COMMD5: variants seen among roughly 807,000 people sequenced by gnomAD.
COMMD5 encodes COMM domain-containing protein 5.
In COMMD5, 10 loss-of-function variants were observed where a neutral mutation model predicts 6.9. That is an observed-to-expected ratio of 1.44 (90% CI 0.89 to 2.45). COMMD5 has a LOEUF of 2.45. Among genes scored for constraint, COMMD5 ranks in the 30% most tolerant of loss-of-function variants. The pLI is 0.00. For synonymous variants in COMMD5, 127 were observed against 125.3 expected, an observed-to-expected ratio of 1.01 and a Z score of -0.09; for missense variants, 234 against 287.8, an observed-to-expected ratio of 0.81 and a Z score of 1.35.
rs1425674521 is a variant in COMMD5, at chr8:144,851,365, A to C, written c.-27T>G. The C allele has an allele frequency of 1.9e-6, 3 of 1,583,898 alleles. No homozygotes were observed. The highest frequency in any genetic ancestry group is 2.6e-6 in the Non-Finnish European group (3 of 1,162,088). On this transcript the variant is annotated 5_prime_UTR_variant, in exon 2 of 2. Transcript: ENST00000305103. ...GCTGCTGCTTCCTCTTTGATCAGCC[A>C]GCCCAGGAGGTCGGTCCCAGATGCA...
intron 1 of COMMD5, 141 bp from the exon 2 acceptor site, chr8:144,851,536 A>C (rs1053231122): frequency 1.6e-6 from 1 of 645,092 alleles, no homozygotes; most frequent in African/African-American, 1.8e-5. Context: ...TGGCCCTGGA[A>C]GCAGGTGGCA....
In COMMD5 at chr8:144,841,952, A is replaced by C. The variant is rs770747798; in HGVS notation, c.*117-209T>G. The C allele has an allele frequency of 5.0e-6, 8 of 1,614,230 alleles. No homozygotes were observed. In the South Asian group the frequency reaches 8.8e-5, roughly 18 times the overall value. On this transcript the variant is annotated intron_variant and NMD_transcript_variant, in intron 1 of 1. Coordinates refer to the COMMD5 transcript ENST00000530332. ...GGAGAGAAACCCTTTAAATGCACTG[A>C]GTGTGGAAAAGCCTTCCGCCTGAGC...
chr8:144,846,511 C>T (rs1437515042), downstream of COMMD5: 1 of 228,398 alleles, frequency 4.4e-6, no homozygotes, highest in Non-Finnish European at 8.7e-6. Context: ...AGCCAAGTCA[C>T]CTTGAACTTG....
downstream of COMMD5, among the ~76,000 whole-genome samples, chr8:144,847,676 G>C (rs1830579396): frequency 6.6e-6 from 1 of 152,234 alleles, no homozygotes; most frequent in Admixed American, 6.5e-5. Flanking sequence ...GCTTGACTCA[G>C]AGCCCCAGAA....
chr8:144,846,751 T>A (rs1165671261), downstream of COMMD5: 1 of 152,708 alleles, frequency 6.5e-6, no homozygotes, highest in Non-Finnish European at 1.5e-5. Context: ...CAGGCTGAAG[T>A]GCAGTGGTGC....
intron 1 of COMMD5, among the ~76,000 whole-genome samples, chr8:144,844,506 G>C (rs2953889): frequency 0.4 from 59,899 of 151,436 alleles, 12,271 homozygotes; most frequent in African/African-American, 0.51. Flanking sequence ...GTCAGGAGAT[G>C]AAGACCATCC....
chr8:144,841,932 G>C (rs1563842032), intron 1 of COMMD5: 2 of 1,614,202 alleles, frequency 1.2e-6, no homozygotes, highest in Non-Finnish European at 1.7e-6. Flanking sequence ...ACACGGGAGA[G>C]AAACCCTTTA....
In COMMD5 at chr8:144,850,293, A is replaced by T; in HGVS notation, c.*371T>A. 1 of 188,942 alleles carries T rather than the reference A, an allele frequency of 5.3e-6. No individual in the cohort carries two copies. Among genetic ancestry groups the T allele is most frequent in the Non-Finnish European group, 1.1e-5 (1 of 90,828 alleles). 11.7% of individuals were successfully genotyped at this position (188,942 alleles called of 1,614,324 possible). A position where few individuals can be genotyped will look rare whatever the true frequency, so the allele number is the denominator to read the frequency against. ...GAAGAGTGAAAATGCCCAACCTAAA[A>T]CACAAGATCTACAAAAGCACCTGGC... On this transcript the variant is annotated 3_prime_UTR_variant, in exon 2 of 2. Transcript: ENST00000305103. The surrounding 1 kb of genome is among the most constrained non-coding windows in gnomAD (Gnocchi z 4.0).
At chr8:144,844,601 T>C (rs1471248409) in intron 1 of COMMD5, among the ~76,000 whole-genome samples, 8 of 150,866 alleles carry the variant, frequency 5.3e-5, no homozygotes, top group African/African-American at 2.0e-4. Flanking sequence ...TCTCAGCTAC[T>C]TGGGAGGCTA....
chr8:144,847,353 G>C (rs1289816021), downstream of COMMD5: 1 of 152,202 alleles, frequency 6.6e-6, no homozygotes, highest in Admixed American at 6.5e-5. Flanking sequence ...GCCAAGGAAG[G>C]ATCACGTGAC....
intron 1 of COMMD5, among the ~76,000 whole-genome samples, chr8:144,844,698 T>G (rs1481108187): frequency 8.0e-6 from 1 of 124,790 alleles, no homozygotes. Flanking sequence ...GACAAGAGTG[T>G]GACTCTGTAT....
intron 1 of COMMD5, among the ~76,000 whole-genome samples, chr8:144,844,829 T>C (rs1317592364): frequency 6.7e-6 from 1 of 148,416 alleles, no homozygotes; most frequent in Non-Finnish European, 1.5e-5. Flanking sequence ...AAGAAGATAC[T>C]GGGAAGAAAA....
intron 1 of COMMD5, chr8:144,843,173 C>T (rs1279308939): frequency 6.4e-7 from 1 of 1,564,074 alleles, no homozygotes; most frequent in South Asian, 1.2e-5. Context: ...GGATAGACCA[C>T]TTACATATAA....
downstream of COMMD5, chr8:144,846,535 T>G: frequency 4.8e-6 from 1 of 207,414 alleles, no homozygotes; most frequent in Non-Finnish European, 9.9e-6. Context: ...AATGACTTCA[T>G]GCCCTCCAGC....
intron 1 of COMMD5, among the ~76,000 whole-genome samples, chr8:144,844,578 C>T (rs552104609): frequency 4.2e-4 from 64 of 151,874 alleles, no homozygotes; most frequent in African/African-American, 1.4e-3. Context: ...GGCGTGGTGG[C>T]GGGCACCTGT....
At chr8:144,848,012 T>C (rs986629825), downstream of COMMD5, among the ~76,000 whole-genome samples, 1 of 152,086 alleles carries the variant, frequency 6.6e-6, no homozygotes, top group African/African-American at 2.4e-5. Flanking sequence ...GGACTAAGAA[T>C]GGTTTTTCAA....
chr8:144,843,021 CTG>C (rs762586524), intron 1 of COMMD5: 6 of 1,614,184 alleles, frequency 3.7e-6, no homozygotes, highest in South Asian at 1.1e-5. Context: ...AGTGTGAAGA[CTG>C]TGAGAAGATA....
At chr8:144,844,709 CAAAAAAAAAAAAAAAAAAAAA>C (rs71320849) in intron 1 of COMMD5, among the ~76,000 whole-genome samples, 1 of 88,618 alleles carries the variant, frequency 1.1e-5, no homozygotes, top group East Asian at 3.5e-4. Flanking sequence ...GACTCTGTAT[CAAAAAAAAAAAAAAAAAAAAA>C]AAAAAACGAA....
chr8:144,846,332 T>A (rs150843087), downstream of COMMD5: 393 of 701,420 alleles, frequency 5.6e-4, 2 homozygotes, highest in African/African-American at 6.6e-3. Flanking sequence ...AAACCATTCG[T>A]AGCTTTTTAC....
Sources: gnomAD v4.1 joint callset for allele counts (sites outside exome capture counted in the v4.1 genomes callset) on GRCh38, gnomAD v4.1.1 for gene constraint, Gnocchi (gnomAD v3.1) non-coding constraint, MANE v1.5 for transcripts, NCBI Gene and HGNC (gene_info 2026-07-23, HGNC 2026-07-21) for gene names.